The following PALLD variants were observed in gnomAD, a reference collection of about 807,000 sequenced individuals.
PALLD encodes palladin.
Under a neutral mutation model 123.5 loss-of-function variants are expected in PALLD, and 61 were observed. That is an observed-to-expected ratio of 0.49 (90% CI 0.40 to 0.61). The LOEUF (loss-of-function observed/expected upper bound fraction) is 0.61, where lower values mean the gene tolerates loss of function less well. Among genes scored for constraint, PALLD ranks in the 20% least tolerant of loss-of-function variants. The pLI is 0.00. For missense variants in PALLD, 1,273 were observed against 1,377.0 expected, an observed-to-expected ratio of 0.92 and a Z score of 1.20; for synonymous variants, 465 against 496.4, an observed-to-expected ratio of 0.94 and a Z score of 0.84.
At chr4:168,619,954 G>A (rs1041323731) in intron 2 of PALLD, among the ~76,000 whole-genome samples, 5 of 152,158 alleles carry the variant, frequency 3.3e-5, no homozygotes, top group Non-Finnish European at 7.3e-5. Context: ...CAATAGTAGT[G>A]ATGAGTTTGT....
intron 2 of PALLD, among the ~76,000 whole-genome samples, chr4:168,576,759 A>AT (rs1318658980): frequency 2.6e-5 from 4 of 152,152 alleles, no homozygotes; most frequent in Non-Finnish European, 5.9e-5. Flanking sequence ...CAGTAATGGG[A>AT]TTGCTGGGTC....
intron 10 of PALLD, among the ~76,000 whole-genome samples, chr4:168,786,453 C>G (rs558571209): frequency 2.5e-4 from 38 of 151,632 alleles, no homozygotes; most frequent in Non-Finnish European, 4.9e-4. Context: ...GCCAGAAGAT[C>G]GCTTGAGCCC....
intron 2 of PALLD, among the ~76,000 whole-genome samples, chr4:168,649,498 A>G (rs1306730289): frequency 6.6e-6 from 1 of 152,222 alleles, no homozygotes. Context: ...GGAAGACATT[A>G]GTTGCCTGCA....
chr4:168,618,500 A>G (rs1178084646), intron 2 of PALLD, among the ~76,000 whole-genome samples: 2 of 152,316 alleles, frequency 1.3e-5, no homozygotes, highest in East Asian at 3.9e-4. Context: ...CAGGTAAGCC[A>G]CCAGAATAAT....
rs574743986 is a variant in PALLD, at chr4:168,757,883, C to T, written c.1964+45960C>T. On this transcript the variant is annotated intron_variant, in intron 10 of 21. Transcript: ENST00000505667. ...GGTCAGGAGTTCGAGACCAGCCTGA[C>T]CAACATGGCGAAACCTGTCTCTGCT... Among the ~76,000 whole-genome samples the T allele has an allele frequency of 1.2e-3, 183 of 152,268 alleles. 2 individuals carry two copies. The highest frequency in any genetic ancestry group is 5.8e-3 in the Admixed American group (88 of 15,302).
At chr4:168,577,234 G>C (rs980583768) in intron 2 of PALLD, among the ~76,000 whole-genome samples, 1 of 152,118 alleles carries the variant, frequency 6.6e-6, no homozygotes, top group Admixed American at 6.6e-5. Context: ...AGCAGTGTAT[G>C]AGTGGTTGAA....
At chr4:168,760,814 A>G (rs933961408) in intron 10 of PALLD, among the ~76,000 whole-genome samples, 6 of 152,198 alleles carry the variant, frequency 3.9e-5, no homozygotes, top group African/African-American at 1.4e-4. Context: ...CTAGACACTT[A>G]TGCCTATTGT....
At chr4:168,896,982 C>G (rs1755333020) in intron 13 of PALLD, among the ~76,000 whole-genome samples, 1 of 152,164 alleles carries the variant, frequency 6.6e-6, no homozygotes, top group Non-Finnish European at 1.5e-5. Flanking sequence ...CAAGTGCATG[C>G]CAACATGCCT....
intron 2 of PALLD, among the ~76,000 whole-genome samples, chr4:168,550,852 T>C (rs1000844333): frequency 6.6e-5 from 10 of 152,254 alleles, no homozygotes; most frequent in African/African-American, 2.2e-4. Flanking sequence ...TTCATTGAAC[T>C]GTAATGTTTT....
chr4:168,766,788 A>G (rs1384560720), intron 10 of PALLD, among the ~76,000 whole-genome samples: 1 of 152,228 alleles, frequency 6.6e-6, no homozygotes, highest in East Asian at 1.9e-4. Flanking sequence ...CATTCTAGCA[A>G]TAACATGGTC....
At chr4:168,668,409 A>G in intron 3 of PALLD, 41 bp downstream of exon 3, 1 of 1,497,972 alleles carries the variant, frequency 6.7e-7, no homozygotes, top group Non-Finnish European at 9.1e-7. Flanking sequence ...AAGGGGTGTC[A>G]ATGGTCTAAT....
intron 2 of PALLD, among the ~76,000 whole-genome samples, chr4:168,554,077 AACTATC>A (rs1767024033): frequency 6.6e-6 from 1 of 152,152 alleles, no homozygotes; most frequent in African/African-American, 2.4e-5. Flanking sequence ...GCACACAGGG[AACTATC>A]ACTAAGCCCT....
At chr4:168,537,043 G>T (rs979231951) in intron 2 of PALLD, among the ~76,000 whole-genome samples, 1 of 152,226 alleles carries the variant, frequency 6.6e-6, no homozygotes, top group East Asian at 1.9e-4. Context: ...AGCCAGGATG[G>T]TCTGATCTCC....
chr4:168,721,898 A>T (rs1362296617), intron 10 of PALLD, among the ~76,000 whole-genome samples: 3 of 152,206 alleles, frequency 2.0e-5, no homozygotes, highest in Non-Finnish European at 4.4e-5. Context: ...TTCCCCAGAA[A>T]ATGTCCTATA....
intron 10 of PALLD, among the ~76,000 whole-genome samples, chr4:168,748,485 T>C (rs1730605474): frequency 6.6e-6 from 1 of 152,218 alleles, no homozygotes. Flanking sequence ...CTATGGTGTA[T>C]TCGTTTCCTA....
At position 168,774,790 on chromosome 4, in the gene PALLD, C is replaced by T. The variant is rs79306599; in HGVS notation, c.1964+62867C>T. ...CATCCTCAAAAATTTCTTCCTACCC[C>T]ATTATAATCCCTTCCTCCTGCCACC... On this transcript the variant is annotated intron_variant, in intron 10 of 21. Coordinates refer to ENST00000505667, the MANE Select transcript of PALLD (RefSeq NM_001166108.2). Among the ~76,000 whole-genome samples, 14 of 150,566 alleles carry T rather than the reference C, an allele frequency of 9.3e-5. 1 individual carries two copies. In the East Asian group the frequency reaches 2.8e-3, roughly 30 times the overall value.
chr4:168,549,757 T>C (rs1449422823), intron 2 of PALLD, among the ~76,000 whole-genome samples: 1 of 147,780 alleles, frequency 6.8e-6, no homozygotes, highest in East Asian at 2.1e-4. Context: ...TCATGGGCAA[T>C]AGTTCAAGGA....
At chr4:168,902,085 A>G (rs1177343595) in intron 14 of PALLD, among the ~76,000 whole-genome samples, 4 of 152,178 alleles carry the variant, frequency 2.6e-5, no homozygotes, top group African/African-American at 4.8e-5. Context: ...TTAGTGCTAT[A>G]TATTTCTGGT....
At chr4:168,509,979 G>A (rs1580042880) in intron 1 of PALLD, among the ~76,000 whole-genome samples, 1 of 152,106 alleles carries the variant, frequency 6.6e-6, no homozygotes, top group East Asian at 1.9e-4. Flanking sequence ...ATACTTCTAC[G>A]CAAGCAACTC....
Sources: gnomAD v4.1 joint callset for allele counts (sites outside exome capture counted in the v4.1 genomes callset) on GRCh38, gnomAD v4.1.1 for gene constraint, MANE v1.5 for transcripts, NCBI Gene and HGNC (gene_info 2026-07-23, HGNC 2026-07-21) for gene names.